ITGAE: variants seen among roughly 807,000 people sequenced by gnomAD.
ITGAE encodes the protein integrin subunit alpha E, also known as integrin alpha-E.
Under a neutral mutation model 136.5 loss-of-function variants are expected in ITGAE, and 99 were observed. That is an observed-to-expected ratio of 0.73 (90% confidence interval 0.62 to 0.86). The LOEUF is 0.86. ITGAE is among the 40% of genes least tolerant of loss of function. The probability of loss-of-function intolerance (pLI) is 0.00; values close to 1 mark genes in which losing one functional copy is unlikely to be tolerated. For missense variants in ITGAE, 1,447 were observed against 1,515.3 expected (o/e 0.95, Z 0.75); for synonymous variants, 613 against 591.8 (o/e 1.04, Z -0.52).
At position 3,751,642 on chromosome 17, in the gene ITGAE, T is replaced by A; in HGVS notation, c.1893+8A>T. 1 of 1,611,720 alleles carries A rather than the reference T, an allele frequency of 6.2e-7. No homozygotes were observed. Among genetic ancestry groups the A allele is most frequent in the East Asian group, 2.2e-5 (1 of 44,842 alleles). On this transcript the variant is annotated splice_region_variant and intron_variant, in intron 15 of 30. Coordinates refer to ENST00000263087, the MANE Select transcript of ITGAE (RefSeq NM_002208.5). ...AGAGGAGAGGAAGGAGAGGGCCCCA[T>A]GGGTCACCTGCGAGGGGCTGGCGGA... is the stretch of plus-strand genomic sequence containing the variant.
chr17:3,743,158 G>A (rs578013270), intron 19 of ITGAE, among the ~76,000 whole-genome samples: 1 of 152,358 alleles, frequency 6.6e-6, no homozygotes, highest in South Asian at 2.1e-4. Context: ...CCATCACAGC[G>A]TCATCAGAGC....
intron 1 of ITGAE, among the ~76,000 whole-genome samples, chr17:3,792,409 G>A (rs868567245): frequency 3.9e-4 from 60 of 152,318 alleles, no homozygotes; most frequent in African/African-American, 1.2e-3. Flanking sequence ...GAGCCACCGC[G>A]CCCGGCCTGA....
At position 3,724,798 on chromosome 17, in the gene ITGAE, G is replaced by A. The variant is rs755562877; in HGVS notation, c.3085-1054C>T. On this transcript the variant is annotated intron_variant, in intron 26 of 30. Transcript: ENST00000263087. ...GGACCAGAGGGTCCAGGTCTGTCAA[G>A]CACAGGCAAGAGGAGGGCCACAGGC... 22 of 1,614,098 alleles carry A rather than the reference G, an allele frequency of 1.4e-5. No homozygotes were observed. The South Asian group carries it at 2.1e-4, about 15-fold the overall frequency.
At chr17:3,716,848 A>G (rs2050953585) in intron 29 of ITGAE, 50 bp from the exon 30 acceptor site, 1 of 1,001,558 alleles carries the variant, frequency 1.0e-6, no homozygotes, top group Non-Finnish European at 1.6e-6. Context: ...GCAAACAAGG[A>G]AAAAATCCTA....
intron 19 of ITGAE, among the ~76,000 whole-genome samples, chr17:3,741,934 G>A (rs564252470): frequency 4.9e-4 from 75 of 152,136 alleles, no homozygotes; most frequent in Middle Eastern, 3.4e-3. Context: ...AAAATTAGCC[G>A]AGCATGGTGA....
intron 14 of ITGAE, among the ~76,000 whole-genome samples, chr17:3,752,344 G>T (rs1324961878): frequency 6.6e-6 from 1 of 152,232 alleles, no homozygotes; most frequent in East Asian, 1.9e-4. Context: ...CATCACTGAG[G>T]CTCGCCGAGC....
intron 6 of ITGAE, 35 bp from the exon 7 acceptor site, chr17:3,760,322 G>GA: frequency 7.7e-7 from 1 of 1,301,100 alleles, no homozygotes; most frequent in Non-Finnish European, 1.1e-6. Context: ...GTGGGCATGG[G>GA]ATGTGAGGCA....
At chr17:3,724,875 C>T (rs767071303) in intron 26 of ITGAE, 95 of 1,613,816 alleles carry the variant, frequency 5.9e-5, no homozygotes, top group Non-Finnish European at 7.6e-5. Flanking sequence ...GAGAGAGCAT[C>T]AGGAGGCCAG....
At chr17:3,783,663 T>G (rs1038259866) in intron 1 of ITGAE, among the ~76,000 whole-genome samples, 2 of 152,230 alleles carry the variant, frequency 1.3e-5, no homozygotes, top group Non-Finnish European at 2.9e-5. Flanking sequence ...TTGATGCAAA[T>G]ATTTTTTCCA....
rs758069079 is a variant in ITGAE, at chr17:3,755,260, C to T, written c.1241G>A (p.Arg414Gln). 5 of 1,575,206 alleles carry T rather than the reference C, an allele frequency of 3.2e-6. No individual in the cohort carries two copies. The highest frequency in any genetic ancestry group is 3.6e-5 in the Admixed American group (2 of 55,554). Residue 414 changes from arginine (R) to glutamine (Q), a missense_variant and splice_region_variant, in exon 12 of 31, where the codon CGG becomes CAG. This residue lies in a region of ITGAE where 1,031 missense variants were observed against 1,011.4 expected (regional missense o/e 1.02). Coordinates refer to ENST00000263087, the MANE Select transcript of ITGAE (RefSeq NM_002208.5). The stretch of plus-strand genomic sequence containing the variant: ...CCCGACGGCGCCGAGCAGCACCTGC[C>T]GCTGAAGGGGACGGGGATGGGGCCC... The part of the protein sequence containing the change: ...IGFSAQILDE[R>Q]QVLLGAVGAF...
At chr17:3,785,650 A>T (rs1201569631) in intron 1 of ITGAE, among the ~76,000 whole-genome samples, 2 of 152,156 alleles carry the variant, frequency 1.3e-5, no homozygotes, top group East Asian at 3.8e-4. Context: ...AGCAAATCAG[A>T]CCTAAAGGAA....
intron 2 of ITGAE, among the ~76,000 whole-genome samples, chr17:3,773,082 T>C (rs1276393366): frequency 6.6e-6 from 1 of 152,210 alleles, no homozygotes; most frequent in Non-Finnish European, 1.5e-5. Flanking sequence ...ATTTCACCTG[T>C]GCTTTCGACC....
intron 1 of ITGAE, among the ~76,000 whole-genome samples, chr17:3,778,607 T>TCCAGACAGAAGAAGAAGA (rs2143323971): frequency 6.6e-6 from 1 of 152,302 alleles, no homozygotes; most frequent in South Asian, 2.1e-4. Context: ...ACAGAAGCCT[T>TCCAGACAGAAGAAGAAGA]AGGTCTTCCT....
chr17:3,747,269 CCGCACACA>C (rs1482134398), intron 17 of ITGAE, among the ~76,000 whole-genome samples: 2 of 152,076 alleles, frequency 1.3e-5, no homozygotes, highest in Middle Eastern at 3.5e-3. Context: ...TCAGAAGCCC[CCGCACACA>C]CGCACACACG....
In ITGAE at chr17:3,723,835, T is replaced by G. The variant is rs1190443907; in HGVS notation, c.3085-91A>C. On this transcript the variant is annotated intron_variant, in intron 26 of 30. Transcript: ENST00000263087. ...GGCCCCGGCCCTGGCGAGGTGCGCA[T>G]GCGCAGGGCCGGGAGCTAGGACCCC... 5.2e-6 allele frequency: 8 copies of G among 1,546,188 alleles called. No homozygotes were observed. The Admixed American group carries it at 6.1e-5, about 12-fold the overall frequency.
At chr17:3,760,122 G>T in intron 7 of ITGAE, 50 bp downstream of exon 7, 1 of 1,066,552 alleles carries the variant, frequency 9.4e-7, no homozygotes, top group Non-Finnish European at 1.5e-6. Context: ...TCTGAGGTAG[G>T]GTGATTCTCA....
chr17:3,746,584 T>C (rs1310482737), intron 17 of ITGAE, among the ~76,000 whole-genome samples: 2 of 152,042 alleles, frequency 1.3e-5, no homozygotes, highest in Non-Finnish European at 2.9e-5. Context: ...GCCTCCCCCG[T>C]AGCTGGGACT....
chr17:3,725,770 T>G (rs2051195205), intron 26 of ITGAE: 1 of 1,599,172 alleles, frequency 6.3e-7, no homozygotes, highest in Admixed American at 1.7e-5. Context: ...GGGATTGACT[T>G]AGAGCAAATG....
At chr17:3,763,778 G>A (rs538453217) in intron 3 of ITGAE, 91 bp downstream of exon 3, 34 of 1,008,286 alleles carry the variant, frequency 3.4e-5, no homozygotes, top group African/African-American at 2.5e-4. Context: ...ATGAGGCAGG[G>A]CTGGGGTTGG....
Sources: gnomAD v4.1 joint callset for allele counts (sites outside exome capture counted in the v4.1 genomes callset) on GRCh38, gnomAD v4.1.1 for gene constraint, gnomAD v4.1.1 regional missense constraint, MANE v1.5 for transcripts, NCBI Gene and HGNC (gene_info 2026-07-23, HGNC 2026-07-21) for gene names.